The following ADAD1 variants were observed in gnomAD, a reference collection of about 807,000 sequenced individuals.
The protein encoded by ADAD1 is adenosine deaminase domain-containing protein 1.
ADAD1 carries 46 observed loss-of-function variants against 66.8 expected under a neutral mutation model. The ratio of observed to expected loss-of-function variants is 0.69; its 90% CI spans 0.54 to 0.88. The LOEUF is 0.88. ADAD1 is among the 40% of genes least tolerant of loss of function. The pLI is 0.00. For missense variants in ADAD1, 617 were observed against 681.8 expected, an observed-to-expected ratio of 0.91 and a Z score of 1.06; for synonymous variants, 248 against 229.4, an observed-to-expected ratio of 1.08 and a Z score of -0.73.
chr4:122,421,667 C>T (rs949832199), intron 12 of ADAD1, among the ~76,000 whole-genome samples: 2 of 151,874 alleles, frequency 1.3e-5, no homozygotes, highest in Non-Finnish European at 2.9e-5. Flanking sequence ...ACCAGAGAAA[C>T]AAAATGTTAA....
intron 6 of ADAD1, among the ~76,000 whole-genome samples, chr4:122,394,060 A>G (rs952587040): frequency 6.6e-6 from 1 of 152,228 alleles, no homozygotes; most frequent in Admixed American, 6.5e-5. Context: ...GAAAGCTGCA[A>G]CTTCAATTGA....
chr4:122,399,181 T>C (rs1373432868), intron 7 of ADAD1, among the ~76,000 whole-genome samples: 3 of 152,198 alleles, frequency 2.0e-5, no homozygotes, highest in East Asian at 3.8e-4. Context: ...TTTATTGTTA[T>C]ACATGTGGCT....
intron 3 of ADAD1, 110 bp downstream of exon 3, chr4:122,380,351 A>G (rs987712625): frequency 7.6e-7 from 1 of 1,322,940 alleles, no homozygotes; most frequent in Non-Finnish European, 1.0e-6. Context: ...ATAGACATTT[A>G]CCCGTGGCCG....
chr4:122,417,041 AAAG>A (rs1796769088), intron 11 of ADAD1, among the ~76,000 whole-genome samples: 1 of 152,184 alleles, frequency 6.6e-6, no homozygotes. Flanking sequence ...TTACAAATAA[AAAG>A]AAAGCAGAGG....
At position 122,383,824 on chromosome 4, in the gene ADAD1, C is replaced by T; in HGVS notation, c.387C>T (p.Ala129=). The T allele has an allele frequency of 1.2e-6, 2 of 1,606,680 alleles. No homozygotes were observed. Among genetic ancestry groups the T allele is most frequent in the Non-Finnish European group, 1.7e-6 (2 of 1,177,732 alleles). Residue 129 remains alanine, a synonymous_variant, in exon 5 of 13, where the codon GCC becomes GCT. Transcript: ENST00000296513. The part of the protein sequence containing the change: ...TTGNVMGPYF[A]FCAVVDGIQY... ...GTAATGTTATGGGACCATATTTTGC[C>T]TTTTGTGCTGTGGTGGATGGTATTC...
At position 122,416,091 on chromosome 4, in the gene ADAD1, C is replaced by T. The variant is rs554783832; in HGVS notation, c.1487+475C>T. Reference sequence around the variant, plus strand: ...GAACTATGGTACTGTGTTATACTGTCTTATAATAACCCTGTAGGTTGAGAG... The same window carrying T: ...GAACTATGGTACTGTGTTATACTGTTTTATAATAACCCTGTAGGTTGAGAG... On this transcript the variant is annotated intron_variant, in intron 11 of 12. Transcript: ENST00000296513. Among the ~76,000 whole-genome samples the T allele has an allele frequency of 2.3e-4, 35 of 152,212 alleles. No individual in the cohort carries two copies. In the South Asian group the frequency reaches 3.7e-3, roughly 16 times the overall value.
chr4:122,393,550 G>A lies in ADAD1; in HGVS notation c.530-39G>A, dbSNP rs112405483. ...AGAAATACCAGCTCTTTGGAATGTTGAAGTTTCATGTTTCCTTATGTTTTT... is the reference window on the plus strand; with the variant it reads ...AGAAATACCAGCTCTTTGGAATGTTAAAGTTTCATGTTTCCTTATGTTTTT... On this transcript the variant is annotated intron_variant, in intron 5 of 12. Transcript: ENST00000296513. 1,190 of 1,509,126 alleles carry A rather than the reference G, an allele frequency of 7.9e-4. 10 individuals carry two copies. The African/African-American group carries it at 0.015, about 19-fold the overall frequency. 93.5% of individuals were successfully genotyped at this position (1,509,126 alleles called of 1,614,324 possible).
intron 11 of ADAD1, among the ~76,000 whole-genome samples, chr4:122,420,854 A>G (rs2072063224): frequency 6.6e-6 from 1 of 152,202 alleles, no homozygotes; most frequent in Non-Finnish European, 1.5e-5. Flanking sequence ...GAAACACAAA[A>G]TAGATTATAC....
In ADAD1 at chr4:122,415,386, G is replaced by C. The variant is rs774699941; in HGVS notation, c.1257G>C (p.Gly419=). The C allele has an allele frequency of 2.5e-6, 4 of 1,612,134 alleles. No homozygotes were observed. Among genetic ancestry groups the C allele is most frequent in the Non-Finnish European group, 3.4e-6 (4 of 1,179,068 alleles). ...VYISSILIGD[G]NCSDTRGLEI... is the part of the protein sequence containing the mutation. The stretch of plus-strand genomic sequence containing the variant: ...TTTGTTTTTGCTTTCTAGGTGATGG[G>C]AATTGCAGTGATACCAGAGGCTTAG... The change falls in exon 11 of 13, where the codon GGG becomes GGC. Residue 419 remains glycine, a synonymous_variant. Coordinates refer to ENST00000296513, the MANE Select transcript of ADAD1 (RefSeq NM_139243.4).
intron 11 of ADAD1, among the ~76,000 whole-genome samples, chr4:122,417,760 A>G (rs1796805723): frequency 1.3e-5 from 2 of 152,228 alleles, no homozygotes; most frequent in Admixed American, 1.3e-4. Flanking sequence ...GTTAAACGAC[A>G]AAGAAAATAA....
chr4:122,400,030 A>G (rs1416445474), intron 7 of ADAD1, among the ~76,000 whole-genome samples: 2 of 152,038 alleles, frequency 1.3e-5, no homozygotes, highest in Admixed American at 6.6e-5. Flanking sequence ...TAGGACTTCC[A>G]GTACTATGTT....
chr4:122,407,830 G>A, intron 7 of ADAD1, 78 bp from the exon 8 acceptor site: 4 of 1,376,324 alleles, frequency 2.9e-6, no homozygotes, highest in Non-Finnish European at 3.9e-6. Flanking sequence ...AATTAAAAAT[G>A]ATGAGATAGA....
At chr4:122,417,957 A>T (rs1219134516) in intron 11 of ADAD1, among the ~76,000 whole-genome samples, 1 of 152,242 alleles carries the variant, frequency 6.6e-6, no homozygotes, top group African/African-American at 2.4e-5. Context: ...AAAATATTAC[A>T]TATCAGAACT....
At position 122,390,467 on chromosome 4, in the gene ADAD1, C is replaced by G. The variant is rs1439685468; in HGVS notation, c.530-3122C>G. On this transcript the variant is annotated intron_variant, in intron 5 of 12. Coordinates refer to ENST00000296513, the MANE Select transcript of ADAD1 (RefSeq NM_139243.4). ...CTGAAGTGTGTTTTCCAGCTTGTTT[C>G]CATTCTCTCTGTCTCCTTCTGGTAC... Among the ~76,000 whole-genome samples, 6 of 152,294 alleles carry G rather than the reference C, an allele frequency of 3.9e-5. No homozygotes were observed. The South Asian group carries it at 8.3e-4, about 21-fold the overall frequency.
chr4:122,380,041 CA>C lies in ADAD1; in HGVS notation c.-8-19del, dbSNP rs1187004593. The C allele has an allele frequency of 1.3e-6, 2 of 1,584,256 alleles. No individual in the cohort carries two copies. The highest frequency in any genetic ancestry group is 1.7e-6 in the Non-Finnish European group (2 of 1,169,824). On this transcript the variant is annotated intron_variant, in intron 2 of 12. Transcript: ENST00000296513. ...CATAGCGTTTTGTCTTGTTTTCTGCCAATTTTATCGTGACCTCTAGGTGAGA... is the reference window on the plus strand; with the variant it reads ...CATAGCGTTTTGTCTTGTTTTCTGCCATTTTATCGTGACCTCTAGGTGAGA...
intron 5 of ADAD1, among the ~76,000 whole-genome samples, chr4:122,390,501 A>G (rs1795381737): frequency 1.3e-5 from 2 of 152,064 alleles, no homozygotes; most frequent in African/African-American, 2.4e-5. Flanking sequence ...ACTCCAGTCA[A>G]TCATAGGTTT....
At chr4:122,388,767 A>G (rs371542633) in intron 5 of ADAD1, among the ~76,000 whole-genome samples, 39 of 151,686 alleles carry the variant, frequency 2.6e-4, no homozygotes, top group African/African-American at 8.0e-4. Flanking sequence ...CTTCTTCTTT[A>G]TTAGTCTAGC....
chr4:122,381,092 AC>A lies in ADAD1; in HGVS notation c.274del (p.Arg92ValfsTer4). 6.2e-7 allele frequency: 1 copy of A among 1,607,098 alleles called. No homozygotes were observed. Among genetic ancestry groups the A allele is most frequent in the South Asian group, 1.1e-5 (1 of 88,864 alleles). On this transcript the variant is annotated frameshift_variant, in exon 4 of 13. Coordinates refer to ENST00000296513, the MANE Select transcript of ADAD1 (RefSeq NM_139243.4). LOFTEE classifies it high-confidence loss of function. ...CTAAGGAATTTATAATGAAATACAA[AC>A]GTGGAGAGATAAATCCTGTGTCAGC... ...IPKEFIMKYK[R>X]GEINPVSALH...
At chr4:122,395,335 G>T (rs1266879402) in intron 6 of ADAD1, among the ~76,000 whole-genome samples, 1 of 151,970 alleles carries the variant, frequency 6.6e-6, no homozygotes, top group African/African-American at 2.4e-5. Flanking sequence ...ACAGGTGTAA[G>T]CCACCGCGCC....
Sources: gnomAD v4.1 joint callset for allele counts (sites outside exome capture counted in the v4.1 genomes callset) on GRCh38, gnomAD v4.1.1 for gene constraint, MANE v1.5 for transcripts, NCBI Gene and HGNC (gene_info 2026-07-23, HGNC 2026-07-21) for gene names.